The following RAB7A variants were observed in gnomAD, a reference collection of about 807,000 sequenced individuals.
The protein encoded by RAB7A is ras-related protein Rab-7a.
A neutral mutation model predicts 24.5 loss-of-function variants in RAB7A; 2 were observed. That is an observed-to-expected ratio of 0.08 (90% CI 0.03 to 0.26). The LOEUF (loss-of-function observed/expected upper bound fraction) is 0.26, where lower values mean the gene tolerates loss of function less well. Ranked by LOEUF, RAB7A falls within the 10% of genes least tolerant of loss-of-function variation. The pLI, the probability that RAB7A is intolerant of heterozygous loss-of-function variation, is 1.00. For missense variants in RAB7A, 118 were observed against 255.7 expected, an observed-to-expected ratio of 0.46 and a Z score of 3.67; for synonymous variants, 100 against 95.9, an observed-to-expected ratio of 1.04 and a Z score of -0.25.
intron 1 of RAB7A, among the ~76,000 whole-genome samples, chr3:128,794,314 T>C (rs1933522892): frequency 6.6e-6 from 1 of 152,208 alleles, no homozygotes; most frequent in Non-Finnish European, 1.5e-5. Context: ...ATTTATTCAG[T>C]CTTCACAGCA....
chr3:128,813,366 A>G lies in RAB7A; in HGVS notation c.568A>G (p.Ile190Val), dbSNP rs147480945. Residue 190 changes from isoleucine (I) to valine (V), a missense_variant, in exon 6 of 6, where the codon ATC becomes GTC. Coordinates refer to ENST00000265062, the MANE Select transcript of RAB7A (RefSeq NM_004637.6). ...GCTGTACAACGAATTTCCTGAACCTATCAAACTGGACAAGAATGACCGGGC... is the reference window on the plus strand; with the variant it reads ...GCTGTACAACGAATTTCCTGAACCTGTCAAACTGGACAAGAATGACCGGGC... ...VELYNEFPEPIKLDKNDRAKA... is the reference protein window; with the variant it reads ...VELYNEFPEPVKLDKNDRAKA... 5.2e-5 allele frequency: 84 copies of G among 1,614,060 alleles called. No homozygotes were observed. Among genetic ancestry groups the G allele is most frequent in the Non-Finnish European group, 6.9e-5 (82 of 1,180,024 alleles).
At chr3:128,742,889 C>T (rs904039818) in intron 1 of RAB7A, among the ~76,000 whole-genome samples, 6 of 152,378 alleles carry the variant, frequency 3.9e-5, no homozygotes, top group East Asian at 1.9e-4. Context: ...GCCAGGGCCA[C>T]GGGCGGAGCT....
chr3:128,775,742 C>CT (rs368064201), intron 1 of RAB7A, among the ~76,000 whole-genome samples: 5 of 151,096 alleles, frequency 3.3e-5, no homozygotes, highest in South Asian at 4.2e-4. Flanking sequence ...AAGTAGAATT[C>CT]TTTTTTTTTA....
intron 1 of RAB7A, among the ~76,000 whole-genome samples, chr3:128,793,108 C>G (rs1383331211): frequency 6.6e-6 from 1 of 152,164 alleles, no homozygotes; most frequent in Non-Finnish European, 1.5e-5. Flanking sequence ...ACTGCAACCT[C>G]CACCTCCCGG....
chr3:128,730,055 A>G (rs2070419351), intron 1 of RAB7A, among the ~76,000 whole-genome samples: 1 of 152,122 alleles, frequency 6.6e-6, no homozygotes, highest in Non-Finnish European at 1.5e-5. Context: ...TTGTGTTACC[A>G]CATGCTTATC....
chr3:128,751,820 G>A (rs1216930284), intron 1 of RAB7A, among the ~76,000 whole-genome samples: 1 of 152,138 alleles, frequency 6.6e-6, no homozygotes, highest in East Asian at 1.9e-4. Context: ...AATTCCCATC[G>A]GTTATGGGAG....
intron 1 of RAB7A, among the ~76,000 whole-genome samples, chr3:128,734,864 G>A (rs1258561532): frequency 6.6e-6 from 1 of 152,180 alleles, no homozygotes; most frequent in Non-Finnish European, 1.5e-5. Flanking sequence ...GACTTTGCCT[G>A]TCTTCCAACT....
intron 1 of RAB7A, among the ~76,000 whole-genome samples, chr3:128,781,406 C>G (rs1207122151): frequency 1.3e-5 from 2 of 152,080 alleles, no homozygotes; most frequent in Non-Finnish European, 2.9e-5. Flanking sequence ...GGTAGCTTAT[C>G]CCTGTAATCC....
chr3:128,742,950 G>A (rs977998579), intron 1 of RAB7A, among the ~76,000 whole-genome samples: 2 of 152,224 alleles, frequency 1.3e-5, no homozygotes, highest in Admixed American at 1.3e-4. Flanking sequence ...TTGGGCTGCC[G>A]ATGGGACCAG....
chr3:128,759,947 TG>T (rs1345191628), intron 1 of RAB7A, among the ~76,000 whole-genome samples: 1 of 152,158 alleles, frequency 6.6e-6, no homozygotes, highest in Non-Finnish European at 1.5e-5. Context: ...CGACCTCAGG[TG>T]ATCTGCCTGC....
At chr3:128,752,504 A>G (rs2070696290) in intron 1 of RAB7A, among the ~76,000 whole-genome samples, 1 of 152,112 alleles carries the variant, frequency 6.6e-6, no homozygotes. Flanking sequence ...TAAAATAGAA[A>G]AAAACACTAC....
chr3:128,764,710 C>T lies in RAB7A; in HGVS notation c.-8-30650C>T, dbSNP rs558039984. Reference sequence around the variant, plus strand: ...CACATTTTTTTCCAAATGTGATGCACACTCCATTGCATTCAGCCCACTCTC... The same window carrying T: ...CACATTTTTTTCCAAATGTGATGCATACTCCATTGCATTCAGCCCACTCTC... On this transcript the variant is annotated intron_variant, in intron 1 of 5. Transcript: ENST00000265062. 1.3e-4 allele frequency: 108 copies of T among 801,356 alleles called. 1 individual carries two copies. The highest frequency in any genetic ancestry group is 1.2e-3 in the South Asian group (92 of 75,190). 49.6% of individuals were successfully genotyped at this position (801,356 alleles called of 1,614,324 possible).
intron 1 of RAB7A, among the ~76,000 whole-genome samples, chr3:128,773,188 G>A (rs1046366552): frequency 2.0e-5 from 3 of 151,382 alleles, no homozygotes; most frequent in Non-Finnish European, 3.0e-5. Context: ...TGTGGGGAGC[G>A]CCTCTGCCCG....
chr3:128,793,238 G>T (rs192059611), intron 1 of RAB7A, among the ~76,000 whole-genome samples: 4 of 152,220 alleles, frequency 2.6e-5, no homozygotes, highest in Admixed American at 6.5e-5. Context: ...AGCCAGGCTG[G>T]TCTCGATCTC....
intron 1 of RAB7A, among the ~76,000 whole-genome samples, chr3:128,741,763 T>C (rs1459472827): frequency 6.6e-6 from 1 of 152,206 alleles, no homozygotes; most frequent in Non-Finnish European, 1.5e-5. Flanking sequence ...TCTGTTTTGT[T>C]TTATACGTAT....
rs1404095417 is a variant in RAB7A, at chr3:128,813,762, T to C, written c.*340T>C. 1 of 372,430 alleles carries C rather than the reference T, an allele frequency of 2.7e-6. No homozygotes were observed. The allele number at this position is 372,430 out of a possible 1,614,324, so 23.1% of individuals were successfully genotyped here. A position where few individuals can be genotyped will look rare whatever the true frequency, so the allele number is the denominator to read the frequency against. The stretch of plus-strand genomic sequence containing the variant: ...ATATGGAGTTGGCATTGGAAGCTTA[T>C]TCTTTTTGTTCACTGGAGAGAGAGA... On this transcript the variant is annotated 3_prime_UTR_variant, in exon 6 of 6. Coordinates refer to ENST00000265062, the MANE Select transcript of RAB7A (RefSeq NM_004637.6).
At chr3:128,804,966 C>T (rs752914072) in intron 3 of RAB7A, among the ~76,000 whole-genome samples, 2 of 152,114 alleles carry the variant, frequency 1.3e-5, no homozygotes, top group Admixed American at 6.6e-5. Flanking sequence ...TAGTGCGTGA[C>T]GGGGTAGAGG....
intron 5 of RAB7A, among the ~76,000 whole-genome samples, chr3:128,811,846 C>G (rs561626906): frequency 2.3e-4 from 34 of 146,088 alleles, no homozygotes; most frequent in Non-Finnish European, 4.5e-4. Flanking sequence ...AAGACTCTGC[C>G]TCAAAAAAAA....
chr3:128,734,244 A>G (rs1230322785), intron 1 of RAB7A, among the ~76,000 whole-genome samples: 1 of 152,112 alleles, frequency 6.6e-6, no homozygotes, highest in Non-Finnish European at 1.5e-5. Flanking sequence ...AGCCTGGCCA[A>G]CATAGCGAAA....
Sources: gnomAD v4.1 joint callset for allele counts (sites outside exome capture counted in the v4.1 genomes callset) on GRCh38, gnomAD v4.1.1 for gene constraint, MANE v1.5 for transcripts, NCBI Gene and HGNC (gene_info 2026-07-23, HGNC 2026-07-21) for gene names.